The following ACER3 variants were observed in gnomAD, a reference collection of about 807,000 sequenced individuals.
ACER3 encodes the protein alkaline ceramidase 3, also known as alkCDase 3.
In ACER3, 16 loss-of-function variants were observed where a neutral mutation model predicts 48.9. That is an observed-to-expected ratio of 0.33 (90% confidence interval 0.22 to 0.50). The LOEUF is 0.50. Among genes scored for constraint, ACER3 ranks in the 20% least tolerant of loss-of-function variants. ACER3 has a pLI of 0.98. For synonymous variants in ACER3, 109 were observed against 107.8 expected (o/e 1.01, Z -0.07); for missense variants, 227 against 326.0 (o/e 0.70, Z 2.34).
At chr11:76,863,736 A>G (rs1000011843) in intron 1 of ACER3, among the ~76,000 whole-genome samples, 4 of 152,230 alleles carry the variant, frequency 2.6e-5, no homozygotes, top group South Asian at 2.1e-4. Context: ...TAAGCACTTC[A>G]TATATCTTAT....
At chr11:76,917,859 CA>C (rs5792749) in intron 1 of ACER3, among the ~76,000 whole-genome samples, 73,015 of 112,774 alleles carry the variant, frequency 0.65, 22,627 homozygotes, top group Non-Finnish European at 0.74. Context: ...GACCCTGTCT[CA>C]AAAAAAAAAA....
At chr11:76,905,845 CAAG>C (rs1449731367) in intron 1 of ACER3, among the ~76,000 whole-genome samples, 5 of 152,050 alleles carry the variant, frequency 3.3e-5, no homozygotes, top group Non-Finnish European at 7.4e-5. Flanking sequence ...TTTGATAAAA[CAAG>C]AAAACAAAGC....
intron 1 of ACER3, among the ~76,000 whole-genome samples, chr11:76,875,395 C>T (rs369178849): frequency 4.7e-4 from 72 of 152,022 alleles, no homozygotes; most frequent in African/African-American, 1.7e-3. Context: ...TACATAAAGG[C>T]GTGAGCCACC....
intron 1 of ACER3, among the ~76,000 whole-genome samples, chr11:76,881,159 A>ATGCT (rs1945515228): frequency 6.6e-6 from 1 of 151,546 alleles, no homozygotes; most frequent in African/African-American, 2.4e-5. Context: ...GGAGGCTGAG[A>ATGCT]TGGAAGGATT....
chr11:76,896,902 A>G (rs958533399), intron 1 of ACER3, among the ~76,000 whole-genome samples: 10 of 151,910 alleles, frequency 6.6e-5, no homozygotes, highest in African/African-American at 1.9e-4. Context: ...TTACACAGAT[A>G]TATGTAGTTG....
chr11:76,921,002 G>C (rs527682497), intron 1 of ACER3, among the ~76,000 whole-genome samples: 1 of 152,230 alleles, frequency 6.6e-6, no homozygotes, highest in Non-Finnish European at 1.5e-5. Flanking sequence ...ATTTTGCTTA[G>C]TAAAATTAAA....
intron 7 of ACER3, among the ~76,000 whole-genome samples, chr11:77,014,267 G>C (rs1295653837): frequency 6.6e-6 from 1 of 152,068 alleles, no homozygotes; most frequent in Non-Finnish European, 1.5e-5. Context: ...TTTGTGTGTG[G>C]TATGTGTGTG....
chr11:76,901,840 C>G (rs1040864368), intron 1 of ACER3, among the ~76,000 whole-genome samples: 10 of 152,186 alleles, frequency 6.6e-5, no homozygotes, highest in African/African-American at 2.4e-4. Context: ...GGATCTTTAA[C>G]TACCAGGCCC....
intron 1 of ACER3, chr11:76,867,983 G>A (rs1399537850): frequency 3.1e-5 from 19 of 609,346 alleles, no homozygotes; most frequent in Non-Finnish European, 4.6e-5. Flanking sequence ...GGGGGAACAA[G>A]GTCTTTTTTT....
At chr11:76,867,716 G>A (rs1328002524) in intron 1 of ACER3, among the ~76,000 whole-genome samples, 1 of 152,126 alleles carries the variant, frequency 6.6e-6, no homozygotes, top group Non-Finnish European at 1.5e-5. Context: ...TCCCAATTAT[G>A]GTTTTTATAG....
At chr11:77,016,154 G>A (rs1555023296) in intron 8 of ACER3, among the ~76,000 whole-genome samples, 1 of 151,626 alleles carries the variant, frequency 6.6e-6, no homozygotes, top group East Asian at 1.9e-4. Context: ...AAAAAAGAGG[G>A]AAGAGGAACC....
intron 3 of ACER3, among the ~76,000 whole-genome samples, chr11:76,974,220 G>T (rs1948379268): frequency 6.6e-6 from 1 of 152,114 alleles, no homozygotes; most frequent in Non-Finnish European, 1.5e-5. Context: ...ATGAATTTTA[G>T]GATCAGCTTG....
At chr11:76,882,003 CTTTTT>C (rs33962456) in intron 1 of ACER3, among the ~76,000 whole-genome samples, 3 of 110,044 alleles carry the variant, frequency 2.7e-5, no homozygotes, top group Admixed American at 9.3e-5. Flanking sequence ...TGTAAAAAAT[CTTTTT>C]TTTTTTTTTT....
intron 2 of ACER3, among the ~76,000 whole-genome samples, chr11:76,938,250 A>G (rs1265811431): frequency 6.6e-6 from 1 of 152,134 alleles, no homozygotes; most frequent in Non-Finnish European, 1.5e-5. Context: ...CCTGGGCTCA[A>G]GCGATTCGCT....
At chr11:76,982,366 G>C (rs1257669476) in intron 4 of ACER3, among the ~76,000 whole-genome samples, 1 of 151,626 alleles carries the variant, frequency 6.6e-6, no homozygotes, top group African/African-American at 2.4e-5. Flanking sequence ...ACAGGCACCC[G>C]CCACCACCTC....
chr11:76,954,197 T>C (rs570343961), intron 2 of ACER3, among the ~76,000 whole-genome samples: 1 of 152,316 alleles, frequency 6.6e-6, no homozygotes, highest in South Asian at 2.1e-4. Context: ...TCCACCCACC[T>C]CGGCCTCCCA....
chr11:76,985,822 C>T (rs1332174592), intron 5 of ACER3, 98 bp downstream of exon 5: 1 of 631,332 alleles, frequency 1.6e-6, no homozygotes, highest in African/African-American at 1.9e-5. Flanking sequence ...TGCTGTCAAA[C>T]TGAAATCTTT....
At chr11:76,876,943 A>C (rs1945398173) in intron 1 of ACER3, among the ~76,000 whole-genome samples, 1 of 152,230 alleles carries the variant, frequency 6.6e-6, no homozygotes, top group Non-Finnish European at 1.5e-5. Context: ...GTTATTCAGC[A>C]ATAAATAACT....
intron 3 of ACER3, among the ~76,000 whole-genome samples, chr11:76,960,775 A>ACCAGGGTATTAGAC (rs1411573837): frequency 8.5e-5 from 13 of 152,258 alleles, no homozygotes; most frequent in Non-Finnish European, 1.8e-4. Context: ...CAGCCCAGGG[A>ACCAGGGTATTAGAC]CAGTGTATTA....
Sources: allele counts gnomAD v4.1 joint callset (sites outside exome capture counted in the v4.1 genomes callset), GRCh38; gene constraint gnomAD v4.1.1; transcripts MANE v1.5; gene names NCBI Gene and HGNC (gene_info 2026-07-23, HGNC 2026-07-21).